The following URB1 variants were observed in gnomAD, a reference collection of about 807,000 sequenced individuals.
URB1 encodes URB1 ribosome biogenesis factor.
A neutral mutation model predicts 242.3 loss-of-function variants in URB1; 197 were observed. The observed-to-expected ratio is 0.81, with a 90% confidence interval of 0.72 to 0.91. The LOEUF (loss-of-function observed/expected upper bound fraction) is 0.91, where lower values mean the gene tolerates loss of function less well. URB1 is among the 40% of genes least tolerant of loss of function. URB1 has a pLI of 0.00. For missense variants in URB1, 2,721 were observed against 2,860.5 expected (o/e 0.95, Z 1.11); for synonymous variants, 1,153 against 1,201.8 (o/e 0.96, Z 0.84).
chr21:32,328,194 G>A lies in URB1; in HGVS notation c.4961-2805C>T, dbSNP rs140897896. On this transcript the variant is annotated intron_variant, in intron 30 of 38. Coordinates refer to ENST00000382751, the MANE Select transcript of URB1 (RefSeq NM_014825.3). Reference sequence around the variant, plus strand: ...CCTTTGTCGCCCAGGCTGGAGTGCAGTGGCACAATCTTGGCTCACTGTAAC... The same window carrying A: ...CCTTTGTCGCCCAGGCTGGAGTGCAATGGCACAATCTTGGCTCACTGTAAC... Among the ~76,000 whole-genome samples, 1,007 of 152,340 alleles carry A rather than the reference G, an allele frequency of 6.6e-3. 22 individuals carry two copies. The East Asian group carries it at 0.079, about 12-fold the overall frequency.
At chr21:32,325,027 C>A (rs1346887212) in intron 31 of URB1, among the ~76,000 whole-genome samples, 2 of 152,192 alleles carry the variant, frequency 1.3e-5, no homozygotes, top group Non-Finnish European at 2.9e-5. Flanking sequence ...CTTTCTCAAC[C>A]TCCACGGGGG....
At position 32,385,615 on chromosome 21, in the gene URB1, T is replaced by A. The variant is rs2033575387; in HGVS notation, c.212A>T (p.Tyr71Phe). The change falls in exon 2 of 39, where the codon TAT becomes TTT. Residue 71 changes from tyrosine (Y) to phenylalanine (F), a missense_variant. Coordinates refer to ENST00000382751, the MANE Select transcript of URB1 (RefSeq NM_014825.3). ...GACACACTCAACAGAAATCTTTATA[T>A]ACCCTTCCACAACATCATACACATC... ...REDVYDVVEGYIKISVECVEI... is the reference protein window; with the variant it reads ...REDVYDVVEGFIKISVECVEI... The A allele has an allele frequency of 6.4e-7, 1 of 1,551,916 alleles. No homozygotes were observed. Among genetic ancestry groups the A allele is most frequent in the East Asian group, 2.4e-5 (1 of 40,924 alleles).
chr21:32,328,618 A>G (rs2068784388), intron 30 of URB1, among the ~76,000 whole-genome samples: 1 of 152,244 alleles, frequency 6.6e-6, no homozygotes, highest in Non-Finnish European at 1.5e-5. Context: ...TTTGGGAAAG[A>G]GAAAAGTCTA....
intron 30 of URB1, among the ~76,000 whole-genome samples, chr21:32,327,061 C>G (rs1224158173): frequency 6.6e-6 from 1 of 151,812 alleles, no homozygotes; most frequent in Non-Finnish European, 1.5e-5. Flanking sequence ...TTTTTGAAAT[C>G]TGACCAAAAA....
intron 22 of URB1, among the ~76,000 whole-genome samples, chr21:32,346,672 C>A (rs1252957432): frequency 6.6e-6 from 1 of 152,164 alleles, no homozygotes; most frequent in Non-Finnish European, 1.5e-5. Flanking sequence ...CCCTAAATAA[C>A]CCCCGCTACT....
At chr21:32,317,975 A>G in intron 36 of URB1, 58 bp from the exon 37 acceptor site, 1 of 1,540,644 alleles carries the variant, frequency 6.5e-7, no homozygotes, top group Non-Finnish European at 8.8e-7. Flanking sequence ...CCTGGCAGTC[A>G]GCACTGCGGC....
chr21:32,325,451 T>C, intron 30 of URB1, 62 bp from the exon 31 acceptor site: 1 of 1,494,360 alleles, frequency 6.7e-7, no homozygotes, highest in Non-Finnish European at 9.0e-7. Context: ...CTTGTTAACC[T>C]GGAGAATTAA....
At chr21:32,350,414 T>C (rs1459852076) in intron 20 of URB1, among the ~76,000 whole-genome samples, 2 of 152,042 alleles carry the variant, frequency 1.3e-5, no homozygotes, top group Non-Finnish European at 2.9e-5. Context: ...CCAGACTTGG[T>C]GACAAAAAAA....
In URB1 at chr21:32,321,908, G is replaced by C. The variant is rs919410539; in HGVS notation, c.5377C>G (p.Arg1793Gly). Reference sequence around the variant, plus strand: ...CACTGCTTGTCACGGATCCCCTGCCGCAGAACGCCAAACACCCACTTCTGC... The same window carrying C: ...CACTGCTTGTCACGGATCCCCTGCCCCAGAACGCCAAACACCCACTTCTGC... ...TEQKWVFGVLRQGIRDKQCYE... is the reference protein window; with the variant it reads ...TEQKWVFGVLGQGIRDKQCYE... Residue 1793 changes from arginine (R) to glycine (G), a missense_variant, in exon 34 of 39, where the codon CGG (arginine) becomes GGG (glycine). Coordinates refer to ENST00000382751, the MANE Select transcript of URB1 (RefSeq NM_014825.3). 9 of 1,551,480 alleles carry C rather than the reference G, an allele frequency of 5.8e-6. No individual in the cohort carries two copies. The highest frequency in any genetic ancestry group is 1.4e-5 in the African/African-American group (1 of 73,030).
Position 32,337,389 on chromosome 21 carries a change from C to A in URB1, c.4621+15G>T. 6.5e-7 allele frequency: 1 copy of A among 1,546,734 alleles called. No individual in the cohort carries two copies. The highest frequency in any genetic ancestry group is 8.7e-7 in the Non-Finnish European group (1 of 1,143,430). On this transcript the variant is annotated intron_variant, in intron 27 of 38. Transcript: ENST00000382751. The stretch of plus-strand genomic sequence containing the variant: ...CCCTCCCCCTGCTCACACTACCCAG[C>A]CCTCACACCCTCACCTAGGACGCTG...
intron 16 of URB1, 129 bp from the exon 17 acceptor site, chr21:32,355,126 T>C (rs2033204555): frequency 2.4e-6 from 3 of 1,249,136 alleles, no homozygotes; most frequent in Non-Finnish European, 3.2e-6. Context: ...ATAGTTTTAC[T>C]ATGAAATTGG....
chr21:32,314,758 A>G lies in URB1; in HGVS notation c.*160T>C, dbSNP rs2032653598. 7.0e-7 allele frequency: 1 copy of G among 1,437,432 alleles called. No homozygotes were observed. Among genetic ancestry groups the G allele is most frequent in the South Asian group, 1.2e-5 (1 of 82,296 alleles). The allele number at this position is 1,437,432 out of a possible 1,614,324, so 89.0% of individuals were successfully genotyped here. ...TTTATCATTTACTGGGCAGTTCAAT[A>G]AAGTCCTCTCAACTTTTCTTGTCAA... is the stretch of plus-strand genomic sequence containing the variant. On this transcript the variant is annotated 3_prime_UTR_variant, in exon 39 of 39. Coordinates refer to ENST00000382751, the MANE Select transcript of URB1 (RefSeq NM_014825.3).
Position 32,347,046 on chromosome 21 carries a change from C to T in URB1, c.3778G>A (p.Gly1260Ser), listed in dbSNP as rs150079051. 1,325 of 1,549,882 alleles carry T rather than the reference C, an allele frequency of 8.5e-4. 15 individuals carry two copies. The East Asian group carries it at 0.025, about 29-fold the overall frequency. The part of the protein sequence containing the change: ...QWCLQAGPGL[G>S]LQGDLDDFLP... ...AAGTCGTCCAGGTCCCCCTGGAGGCCGAGCCCTGGGCCAGCCTGCAGGCAC... is the reference window on the plus strand; with the variant it reads ...AAGTCGTCCAGGTCCCCCTGGAGGCTGAGCCCTGGGCCAGCCTGCAGGCAC... Residue 1260 changes from glycine to serine, a missense_variant, in exon 22 of 39, where the codon GGC becomes AGC. Gly to Ser is a moderately conservative substitution (Grantham distance 56). Coordinates refer to ENST00000382751, the MANE Select transcript of URB1 (RefSeq NM_014825.3).
At chr21:32,337,600 T>G (rs1392031354) in intron 26 of URB1, 86 bp from the exon 27 acceptor site, 1 of 1,110,310 alleles carries the variant, frequency 9.0e-7, no homozygotes, top group African/African-American at 1.6e-5. Context: ...CAGGCAACAT[T>G]GAAATGCTGG....
chr21:32,378,565 T>A (rs1191728241), intron 4 of URB1, 24 bp from the exon 5 acceptor site: 2 of 1,537,386 alleles, frequency 1.3e-6, no homozygotes. Context: ...GAGACCTACA[T>A]GTCACATGCA....
At chr21:32,388,363 G>GC (rs2033604803) in intron 1 of URB1, among the ~76,000 whole-genome samples, 1 of 152,168 alleles carries the variant, frequency 6.6e-6, no homozygotes, top group South Asian at 2.1e-4. Context: ...AACATAAGCA[G>GC]CCCCCCGGGT....
At chr21:32,347,942 T>C in intron 21 of URB1, 131 bp from the exon 22 acceptor site, 2 of 1,370,092 alleles carry the variant, frequency 1.5e-6, no homozygotes, top group Middle Eastern at 2.2e-4. Context: ...ATCCATTCCA[T>C]CCTCAAGCCT....
intron 30 of URB1, 114 bp downstream of exon 30, chr21:32,333,203 T>C: frequency 1.1e-6 from 1 of 877,488 alleles, no homozygotes; most frequent in Non-Finnish European, 1.8e-6. Context: ...CTTTAAGAAT[T>C]ATTTCCAAGA....
intron 8 of URB1, among the ~76,000 whole-genome samples, chr21:32,370,759 A>G (rs2033397448): frequency 6.6e-6 from 1 of 152,228 alleles, no homozygotes; most frequent in Admixed American, 6.5e-5. Context: ...AAACCTACTT[A>G]TTTACATCTA....
Sources: gnomAD v4.1 joint callset for allele counts (sites outside exome capture counted in the v4.1 genomes callset) on GRCh38, gnomAD v4.1.1 for gene constraint, MANE v1.5 for transcripts, NCBI Gene and HGNC (gene_info 2026-07-23, HGNC 2026-07-21) for gene names.